The following RASEF variants were observed in gnomAD, a reference collection of about 807,000 sequenced individuals.
The protein encoded by RASEF is ras and EF-hand domain-containing protein.
Under a neutral mutation model 90.1 loss-of-function variants are expected in RASEF, and 68 were observed. The observed-to-expected ratio is 0.75, with a 90% CI of 0.62 to 0.92. RASEF has a LOEUF of 0.92. Ranked by LOEUF, RASEF falls within the 40% of genes least tolerant of loss-of-function variation. The pLI is 0.00. For synonymous variants in RASEF, 331 were observed against 345.2 expected, an observed-to-expected ratio of 0.96 and a Z score of 0.46; for missense variants, 949 against 937.2, an observed-to-expected ratio of 1.01 and a Z score of -0.16.
At chr9:83,187,955 G>T in the RASEF span, among the ~76,000 whole-genome samples, 1 of 152,160 alleles carries the variant, frequency 6.6e-6, no homozygotes, top group Non-Finnish European at 1.5e-5. Flanking sequence ...TCCTTCATCT[G>T]CAAGACGGGG....
the RASEF span, among the ~76,000 whole-genome samples, chr9:83,113,389 CAT>C: frequency 1.3e-5 from 2 of 152,266 alleles, no homozygotes; most frequent in South Asian, 2.1e-4. Context: ...GATTGTAAAA[CAT>C]GTGTGTTTGA....
the RASEF span, among the ~76,000 whole-genome samples, chr9:83,183,605 C>T: frequency 6.6e-6 from 1 of 152,006 alleles, no homozygotes; most frequent in African/African-American, 2.4e-5. Flanking sequence ...TATTATTATC[C>T]AATTTGTTAC....
At chr9:83,032,180 T>A (rs1355701079) in intron 1 of RASEF, among the ~76,000 whole-genome samples, 2 of 152,072 alleles carry the variant, frequency 1.3e-5, no homozygotes, top group African/African-American at 4.8e-5. Context: ...GTTACTGGCC[T>A]CTTCCCGTGT....
intron 16 of RASEF, among the ~76,000 whole-genome samples, chr9:82,983,098 A>C (rs926317712): frequency 7.2e-6 from 1 of 138,426 alleles, no homozygotes; most frequent in African/African-American, 2.8e-5. Context: ...CTGTTTTCTG[A>C]GTACCAGGCC....
At chr9:83,207,093 T>A in the RASEF span, among the ~76,000 whole-genome samples, 1 of 152,218 alleles carries the variant, frequency 6.6e-6, no homozygotes, top group East Asian at 1.9e-4. Context: ...CACATGGAAA[T>A]AGCAGAAATA....
At chr9:83,129,824 A>G in the RASEF span, among the ~76,000 whole-genome samples, 1 of 152,212 alleles carries the variant, frequency 6.6e-6, no homozygotes, top group African/African-American at 2.4e-5. Flanking sequence ...ACTGGTTTTA[A>G]TTTCTGAGTT....
At chr9:83,185,171 T>C in the RASEF span, among the ~76,000 whole-genome samples, 237 of 152,226 alleles carry the variant, frequency 1.6e-3, no homozygotes, top group African/African-American at 5.4e-3. Flanking sequence ...ATCATTATTT[T>C]TAATGATAAA....
intron 7 of RASEF, 72 bp downstream of exon 7, chr9:83,007,365 T>C: frequency 8.4e-7 from 1 of 1,193,100 alleles, no homozygotes; most frequent in Non-Finnish European, 1.3e-6. Context: ...TCACGTTCTA[T>C]GTGTTATGTC....
intron 6 of RASEF, among the ~76,000 whole-genome samples, chr9:83,009,169 T>C (rs545510609): frequency 1.6e-3 from 236 of 151,896 alleles, no homozygotes; most frequent in East Asian, 6.0e-3. Flanking sequence ...ATATTTACCA[T>C]CCATATAAAA....
At chr9:83,161,638 C>T in the RASEF span, among the ~76,000 whole-genome samples, 1 of 151,264 alleles carries the variant, frequency 6.6e-6, no homozygotes, top group Non-Finnish European at 1.5e-5. Flanking sequence ...GTTGGGAAGG[C>T]ATGACTGGTT....
the RASEF span, among the ~76,000 whole-genome samples, chr9:83,206,330 A>T: frequency 2.6e-5 from 4 of 152,250 alleles, no homozygotes; most frequent in East Asian, 7.7e-4. Context: ...ACAGCATTCA[A>T]ACTGGAAAGG....
At chr9:83,025,172 T>C (rs1214037146) in intron 2 of RASEF, among the ~76,000 whole-genome samples, 1 of 152,190 alleles carries the variant, frequency 6.6e-6, no homozygotes, top group Non-Finnish European at 1.5e-5. Context: ...AAATGGACTG[T>C]ATTAGAGTAA....
chr9:83,161,268 TAC>T, the RASEF span, among the ~76,000 whole-genome samples: 4 of 152,180 alleles, frequency 2.6e-5, no homozygotes, highest in Non-Finnish European at 5.9e-5. Flanking sequence ...GTGGGGGCTG[TAC>T]CCTGCAAATC....
chr9:83,123,109 G>A, the RASEF span, among the ~76,000 whole-genome samples: 8 of 152,178 alleles, frequency 5.3e-5, 1 homozygote, highest in South Asian at 2.1e-4. Flanking sequence ...GTGTGGTGGC[G>A]TATGCCTGTA....
At chr9:83,088,724 C>T in the RASEF span, among the ~76,000 whole-genome samples, 1 of 152,058 alleles carries the variant, frequency 6.6e-6, no homozygotes, top group African/African-American at 2.4e-5. Context: ...TTACTAGCTA[C>T]TAATTACAGT....
chr9:82,984,136 G>A (rs1828669645), intron 16 of RASEF, among the ~76,000 whole-genome samples: 1 of 152,200 alleles, frequency 6.6e-6, no homozygotes, highest in African/African-American at 2.4e-5. Context: ...ATATATGTCA[G>A]TTTGAATTAT....
chr9:83,062,550 T>G lies in RASEF; in HGVS notation c.318A>C (p.Glu106Asp). ...GPETHDSEED[E>D]GDEDAAAALA... ...GCGCCGCCGCCGCGTCCTCGTCGCC[T>G]TCGTCCTCCTCGCTGTCGTGTGTCT... Residue 106 changes from glutamate (E) to aspartate (D), a missense_variant, in exon 1 of 17, where the codon GAA (glutamate) becomes GAC (aspartate). Glu to Asp is a conservative substitution (Grantham distance 45, BLOSUM62 2). Transcript: ENST00000376447. 6.2e-7 allele frequency: 1 copy of G among 1,602,734 alleles called. No homozygotes were observed. Among genetic ancestry groups the G allele is most frequent in the Non-Finnish European group, 8.5e-7 (1 of 1,175,030 alleles).
the RASEF span, among the ~76,000 whole-genome samples, chr9:83,089,502 C>T: frequency 6.6e-6 from 1 of 152,116 alleles, no homozygotes; most frequent in Non-Finnish European, 1.5e-5. Context: ...TATTGTTTAT[C>T]TGTGAATGTT....
intron 4 of RASEF, among the ~76,000 whole-genome samples, chr9:83,013,470 G>GA (rs1340738589): frequency 6.6e-6 from 1 of 152,298 alleles, no homozygotes; most frequent in African/African-American, 2.4e-5. Flanking sequence ...CACGCATTTT[G>GA]ACTTCAGAGA....
Sources: gnomAD v4.1 joint callset for allele counts (sites outside exome capture counted in the v4.1 genomes callset) on GRCh38, gnomAD v4.1.1 for gene constraint, MANE v1.5 for transcripts, NCBI Gene and HGNC (gene_info 2026-07-23, HGNC 2026-07-21) for gene names.